FBN1: variants seen among roughly 807,000 people sequenced by gnomAD.
The protein encoded by FBN1 is fibrillin-1.
FBN1 carries 29 observed loss-of-function variants against 365.1 expected under a neutral mutation model. That is an observed-to-expected ratio of 0.08 (90% CI 0.06 to 0.11). FBN1 has a LOEUF of 0.11. Ranked by LOEUF, FBN1 falls within the 10% of genes least tolerant of loss-of-function variation. FBN1 has a pLI of 1.00. For synonymous variants in FBN1, 1,210 were observed against 1,270.5 expected, an observed-to-expected ratio of 0.95 and a Z score of 1.01; for missense variants, 2,476 against 3,703.2, an observed-to-expected ratio of 0.67 and a Z score of 8.60.
intron 6 of FBN1, among the ~76,000 whole-genome samples, chr15:48,554,928 ACT>A (rs750545437): frequency 1.9e-4 from 29 of 152,202 alleles, no homozygotes; most frequent in East Asian, 1.2e-3. Flanking sequence ...TCTGATTGTA[ACT>A]CTTTCTATTC....
intron 2 of FBN1, chr15:48,643,907 TG>T (rs1890242588): frequency 6.6e-6 from 1 of 152,204 alleles, no homozygotes; most frequent in African/African-American, 2.4e-5. Context: ...AACAGCGGCA[TG>T]GGAAGCCAGT....
At chr15:48,436,413 A>C (rs2043072293) in intron 53 of FBN1, among the ~76,000 whole-genome samples, 1 of 152,158 alleles carries the variant, frequency 6.6e-6, no homozygotes, top group Non-Finnish European at 1.5e-5. Flanking sequence ...TCACTCTGGA[A>C]TTCTTAGATA....
At chr15:48,523,927 G>T (rs2043884321) in intron 9 of FBN1, among the ~76,000 whole-genome samples, 1 of 152,118 alleles carries the variant, frequency 6.6e-6, no homozygotes, top group Non-Finnish European at 1.5e-5. Flanking sequence ...TGAATCACTT[G>T]GCCCTTATTC....
At chr15:48,464,952 G>A (rs765756584) in intron 40 of FBN1, among the ~76,000 whole-genome samples, 1 of 152,188 alleles carries the variant, frequency 6.6e-6, no homozygotes, top group Non-Finnish European at 1.5e-5. Context: ...AAAGAGCCAG[G>A]GGAATATTTC....
chr15:48,536,878 C>T (rs1227777214), intron 7 of FBN1, among the ~76,000 whole-genome samples: 1 of 152,216 alleles, frequency 6.6e-6, no homozygotes, highest in Admixed American at 6.5e-5. Context: ...TTGCAACTTG[C>T]TATAAAAAGT....
At chr15:48,497,459 A>G (rs1052857800) in intron 18 of FBN1, 68 bp from the exon 19 acceptor site, 19 of 1,441,554 alleles carry the variant, frequency 1.3e-5, no homozygotes, top group African/African-American at 2.8e-5. Flanking sequence ...TGTTAAAAAT[A>G]TAACACTACA....
At chr15:48,488,052 A>C in intron 27 of FBN1, 61 bp downstream of exon 27, 1 of 1,608,878 alleles carries the variant, frequency 6.2e-7, no homozygotes, top group Non-Finnish European at 8.5e-7. Context: ...ATAGGCTATG[A>C]GCCATCAAAG....
intron 4 of FBN1, among the ~76,000 whole-genome samples, chr15:48,600,735 T>C (rs35034566): frequency 0.12 from 18,912 of 152,150 alleles, 1,269 homozygotes; most frequent in Non-Finnish European, 0.15. Flanking sequence ...GCAATGCAAT[T>C]GTTTCTCTGG....
chr15:48,531,096 G>A (rs1040861897), intron 8 of FBN1, among the ~76,000 whole-genome samples: 1 of 132,510 alleles, frequency 7.5e-6, no homozygotes, highest in Non-Finnish European at 1.5e-5. Context: ...AAGAAGGTGG[G>A]CATGAACTCT....
At chr15:48,638,073 C>T (rs973840166) in intron 2 of FBN1, among the ~76,000 whole-genome samples, 8 of 149,508 alleles carry the variant, frequency 5.4e-5, no homozygotes, top group Admixed American at 1.3e-4. Context: ...CTTGTTCTGT[C>T]GCCCAGGCTA....
intron 2 of FBN1, among the ~76,000 whole-genome samples, chr15:48,639,534 A>G (rs1428179589): frequency 6.6e-6 from 1 of 152,234 alleles, no homozygotes; most frequent in Non-Finnish European, 1.5e-5. Context: ...CCACAGAACT[A>G]AACTCAAGCT....
At chr15:48,619,885 A>T (rs1452658136) in intron 2 of FBN1, among the ~76,000 whole-genome samples, 1 of 152,192 alleles carries the variant, frequency 6.6e-6, no homozygotes, top group Non-Finnish European at 1.5e-5. Flanking sequence ...TAAAAAAAAA[A>T]AAACAGGAGA....
intron 6 of FBN1, among the ~76,000 whole-genome samples, chr15:48,552,239 A>G (rs1402721093): frequency 6.6e-6 from 1 of 152,082 alleles, no homozygotes; most frequent in Non-Finnish European, 1.5e-5. Flanking sequence ...ATAAAGCACA[A>G]AGAAAGAAGA....
At chr15:48,425,295 G>A (rs1375231756) in intron 60 of FBN1, 74 bp downstream of exon 60, 6 of 1,596,600 alleles carry the variant, frequency 3.8e-6, no homozygotes, top group Non-Finnish European at 5.2e-6. Context: ...GCTTGCCTGT[G>A]GAGTTCTTAC....
intron 42 of FBN1, among the ~76,000 whole-genome samples, chr15:48,462,019 G>A (rs909071276): frequency 6.6e-6 from 1 of 152,160 alleles, no homozygotes; most frequent in African/African-American, 2.4e-5. Context: ...GCAGGGTGGA[G>A]GTAAATCAGA....
At chr15:48,440,900 G>A (rs12594618) in intron 50 of FBN1, among the ~76,000 whole-genome samples, 94,060 of 141,386 alleles carry the variant, frequency 0.67, 31,586 homozygotes, top group Middle Eastern at 0.78. Flanking sequence ...AAAAAACCAT[G>A]AAAAAAAAAA....
At chr15:48,605,610 T>C (rs2044601260) in intron 4 of FBN1, among the ~76,000 whole-genome samples, 1 of 152,212 alleles carries the variant, frequency 6.6e-6, no homozygotes, top group Admixed American at 6.5e-5. Context: ...CAGTGGCTCA[T>C]GCCTGTAATC....
At chr15:48,552,800 T>C (rs1261101836) in intron 6 of FBN1, among the ~76,000 whole-genome samples, 1 of 152,214 alleles carries the variant, frequency 6.6e-6, no homozygotes, top group Non-Finnish European at 1.5e-5. Context: ...CTGGAATTTT[T>C]ATGTAGCTTG....
intron 6 of FBN1, among the ~76,000 whole-genome samples, chr15:48,567,494 C>G (rs1009388737): frequency 1.3e-5 from 2 of 151,966 alleles, no homozygotes; most frequent in African/African-American, 2.4e-5. Flanking sequence ...GATACCAAAG[C>G]CAGACGAAGA....
Sources: gnomAD v4.1 joint callset for allele counts (sites outside exome capture counted in the v4.1 genomes callset) on GRCh38, gnomAD v4.1.1 for gene constraint, MANE v1.5 for transcripts, NCBI Gene and HGNC (gene_info 2026-07-23, HGNC 2026-07-21) for gene names.